Variants in NEK11 observed in about 807,000 individuals in gnomAD.
The protein encoded by NEK11 is serine/threonine-protein kinase Nek11.
NEK11 carries 72 observed loss-of-function variants against 80.7 expected under a neutral mutation model. The observed-to-expected ratio is 0.89, with a 90% CI of 0.74 to 1.08. The LOEUF (loss-of-function observed/expected upper bound fraction) is 1.08, where lower values mean the gene tolerates loss of function less well. NEK11 is among the 50% of genes least tolerant of loss of function. The probability of loss-of-function intolerance (pLI) is 0.00; values close to 1 mark genes in which losing one functional copy is unlikely to be tolerated. For synonymous variants in NEK11, 251 were observed against 260.7 expected (o/e 0.96, Z 0.36); for missense variants, 764 against 763.6 (o/e 1.00, Z -0.01).
intron 14 of NEK11, among the ~76,000 whole-genome samples, chr3:131,177,000 T>C (rs183386542): frequency 2.8e-4 from 43 of 152,324 alleles, no homozygotes; most frequent in Non-Finnish European, 5.9e-4. Flanking sequence ...CAATCATAGC[T>C]TTAAGGTTGG....
At chr3:131,125,096 A>G (rs1485450229) in intron 5 of NEK11, among the ~76,000 whole-genome samples, 1 of 152,214 alleles carries the variant, frequency 6.6e-6, no homozygotes, top group Non-Finnish European at 1.5e-5. Flanking sequence ...TCTCTAATCC[A>G]CTAAAGGGTT....
At chr3:131,247,343 C>A (rs748806261) in intron 16 of NEK11, among the ~76,000 whole-genome samples, 2 of 152,098 alleles carry the variant, frequency 1.3e-5, no homozygotes, top group Admixed American at 6.6e-5. Context: ...ATGTGACTTG[C>A]CAATTATCCC....
At chr3:131,324,510 C>CTATT (rs528691275) in intron 17 of NEK11, among the ~76,000 whole-genome samples, 44 of 152,236 alleles carry the variant, frequency 2.9e-4, no homozygotes, top group African/African-American at 1.0e-3. Context: ...GTAAAGAAAT[C>CTATT]TATTTTATCT....
At chr3:131,124,895 G>A (rs772077710) in intron 5 of NEK11, among the ~76,000 whole-genome samples, 3 of 152,072 alleles carry the variant, frequency 2.0e-5, no homozygotes, top group Non-Finnish European at 4.4e-5. Context: ...TACAACATTG[G>A]GCAAGTTATT....
chr3:131,282,022 A>T (rs2096403346), intron 17 of NEK11, among the ~76,000 whole-genome samples: 1 of 152,230 alleles, frequency 6.6e-6, no homozygotes, highest in Admixed American at 6.5e-5. Context: ...TTCAGCTGAG[A>T]TATCCAACAC....
intron 5 of NEK11, among the ~76,000 whole-genome samples, chr3:131,131,665 C>T (rs1183177818): frequency 6.6e-6 from 1 of 151,934 alleles, no homozygotes; most frequent in Non-Finnish European, 1.5e-5. Context: ...TTCAAAGAAC[C>T]AGTTTTATTT....
chr3:131,226,394 C>T (rs1300079216), intron 14 of NEK11, among the ~76,000 whole-genome samples: 1 of 152,088 alleles, frequency 6.6e-6, no homozygotes, highest in African/African-American at 2.4e-5. Context: ...TATCACAACA[C>T]AATTCACAAT....
intron 16 of NEK11, among the ~76,000 whole-genome samples, chr3:131,269,315 T>C (rs954326087): frequency 6.6e-6 from 1 of 152,134 alleles, no homozygotes; most frequent in Non-Finnish European, 1.5e-5. Flanking sequence ...CACTGGAGTA[T>C]GAAAAACAAC....
Position 131,110,896 on chromosome 3 carries a change from C to A in NEK11, c.455+975C>A, listed in dbSNP as rs148153456. ...CTACTGATTTATTGACACCTCATAA[C>A]AATCTGTTGGATGATGTCAAACTAT... On this transcript the variant is annotated intron_variant, in intron 5 of 17. Transcript: ENST00000383366. Among the ~76,000 whole-genome samples, 518 of 152,250 alleles carry A rather than the reference C, an allele frequency of 3.4e-3. 1 individual carries two copies. Among genetic ancestry groups the A allele is most frequent in the African/African-American group, 0.011 (476 of 41,544 alleles).
At chr3:131,076,007 G>A (rs76476842) in intron 3 of NEK11, among the ~76,000 whole-genome samples, 1,532 of 152,206 alleles carry the variant, frequency 0.01, 19 homozygotes, top group East Asian at 0.072. Flanking sequence ...TGGAGACGCC[G>A]TGCCACCTTG....
intron 14 of NEK11, among the ~76,000 whole-genome samples, chr3:131,219,335 T>A (rs1215461837): frequency 6.6e-6 from 1 of 150,620 alleles, no homozygotes; most frequent in Admixed American, 6.6e-5. Context: ...TAAGTGGGAG[T>A]TGAACAATGA....
In NEK11 at chr3:131,132,691, A is replaced by T; in HGVS notation, c.456-54A>T. 3 of 902,728 alleles carry T rather than the reference A, an allele frequency of 3.3e-6. No individual in the cohort carries two copies. In the South Asian group the frequency reaches 4.8e-5, roughly 14 times the overall value. The allele number at this position is 902,728 out of a possible 1,614,324, so 55.9% of individuals were successfully genotyped here. ...AACAACATATATTATTTACATGGGG[A>T]TTTAAAAATGTTATATTCTGCATGA... On this transcript the variant is annotated intron_variant, in intron 5 of 17. Transcript: ENST00000383366.
chr3:131,135,653 T>G (rs1330862597), intron 7 of NEK11, among the ~76,000 whole-genome samples: 1 of 152,148 alleles, frequency 6.6e-6, no homozygotes, highest in African/African-American at 2.4e-5. Context: ...CCTATATATC[T>G]CTTTACATTT....
intron 17 of NEK11, among the ~76,000 whole-genome samples, chr3:131,331,530 G>T (rs923215283): frequency 2.6e-5 from 4 of 152,242 alleles, no homozygotes; most frequent in Non-Finnish European, 5.9e-5. Flanking sequence ...CAGCGTGAGC[G>T]ACGCAGAATA....
rs532970909 is a variant in NEK11 at position 131,199,927 on chromosome 3, G to T, written c.1400-28601G>T. On this transcript the variant is annotated intron_variant, in intron 14 of 17. Coordinates refer to ENST00000383366, the MANE Select transcript of NEK11 (RefSeq NM_024800.5). ...TGAGATCTAATATCACTTAACTGAA[G>T]TCTCAGAGAGAAACAGTATTTCAGG... Among the ~76,000 whole-genome samples the T allele has an allele frequency of 5.9e-5, 9 of 152,282 alleles. No homozygotes were observed. In the East Asian group the frequency reaches 1.5e-3, roughly 26 times the overall value.
intron 14 of NEK11, among the ~76,000 whole-genome samples, chr3:131,226,701 A>G (rs1561074895): frequency 6.6e-6 from 1 of 152,022 alleles, no homozygotes; most frequent in Non-Finnish European, 1.5e-5. Context: ...GAGGGAGGTA[A>G]GGGATAAAAG....
At chr3:131,273,649 G>C in intron 17 of NEK11, 75 bp downstream of exon 17, 6 of 1,093,150 alleles carry the variant, frequency 5.5e-6, no homozygotes, top group Non-Finnish European at 8.4e-6. Flanking sequence ...ACCCAGTCAT[G>C]TGATACTGTC....
chr3:131,111,370 T>G, intron 5 of NEK11, among the ~76,000 whole-genome samples: 1 of 152,200 alleles, frequency 6.6e-6, no homozygotes, highest in East Asian at 1.9e-4. Context: ...TAACAATTGA[T>G]GGTGCTTCTT....
At chr3:131,329,463 T>TC (rs2109997693) in intron 17 of NEK11, 2 of 135,246 alleles carry the variant, frequency 1.5e-5, no homozygotes, top group Non-Finnish European at 3.0e-5. Context: ...GTGGGATCAG[T>TC]CAAAAAAAAA....
Sources: gnomAD v4.1 joint callset for allele counts (sites outside exome capture counted in the v4.1 genomes callset) on GRCh38, gnomAD v4.1.1 for gene constraint, MANE v1.5 for transcripts, NCBI Gene and HGNC (gene_info 2026-07-23, HGNC 2026-07-21) for gene names.